SENP7: variants seen among roughly 807,000 people sequenced by gnomAD.
The protein encoded by SENP7 is SUMO specific peptidase 7.
In SENP7, 64 loss-of-function variants were observed where a neutral mutation model predicts 141.2. The ratio of observed to expected loss-of-function variants is 0.45; its 90% confidence interval spans 0.37 to 0.56. The LOEUF (loss-of-function observed/expected upper bound fraction) is 0.56. SENP7 is among the 20% of genes least tolerant of loss of function. SENP7 has a pLI of 0.00. For missense variants in SENP7, 1,025 were observed against 1,212.2 expected (o/e 0.85, Z 2.29); for synonymous variants, 382 against 426.4 (o/e 0.90, Z 1.28).
At chr3:101,464,837 GAA>G (rs1288755210) in intron 3 of SENP7, among the ~76,000 whole-genome samples, 30 of 152,076 alleles carry the variant, frequency 2.0e-4, no homozygotes, top group Non-Finnish European at 8.8e-5. Context: ...CTAAAAAGCA[GAA>G]AGGAGACTAA....
chr3:101,513,062 T>C lies in SENP7; in HGVS notation c.40+29A>G, dbSNP rs201326167. On this transcript the variant is annotated intron_variant, in intron 1 of 23. Coordinates refer to ENST00000394095, the MANE Select transcript of SENP7 (RefSeq NM_020654.5). ...CGTTTCCCCCGGGTAGGAGACAATA[T>C]GTTCAGCCCTTCTCTGACCCTTTCT... The C allele has an allele frequency of 1.1e-4, 185 of 1,611,820 alleles. No homozygotes were observed. The East Asian group carries it at 3.3e-3, about 29-fold the overall frequency.
chr3:101,493,101 G>C (rs186598813), intron 3 of SENP7, among the ~76,000 whole-genome samples: 1 of 152,162 alleles, frequency 6.6e-6, no homozygotes, highest in Admixed American at 6.5e-5. Flanking sequence ...TTGCATGGAT[G>C]AAGCTGGAGA....
At chr3:101,348,109 T>G (rs2059518058) in intron 12 of SENP7, 58 bp from the exon 13 acceptor site, 5 of 1,168,696 alleles carry the variant, frequency 4.3e-6, no homozygotes, top group Non-Finnish European at 6.0e-6. Flanking sequence ...ATACACCACT[T>G]AAACATTATA....
At position 101,469,621 on chromosome 3, in the gene SENP7, G is replaced by A. The variant is rs371022351; in HGVS notation, c.187-10569C>T. ...GGGTGGATCATGAGGTCAGGAGATC[G>A]AGACCATCCTGGCTAACAAGGTGAA... On this transcript the variant is annotated intron_variant, in intron 3 of 23. Coordinates refer to ENST00000394095, the MANE Select transcript of SENP7 (RefSeq NM_020654.5). Among the ~76,000 whole-genome samples, 8 of 113,412 alleles carry A rather than the reference G, an allele frequency of 7.1e-5. 3 individuals carry two copies. The Admixed American group carries it at 7.8e-4, about 11-fold the overall frequency. 74.4% of individuals were successfully genotyped at this position (113,412 alleles called of 152,430 possible). A position where few individuals can be genotyped will look rare whatever the true frequency, so the allele number is the denominator to read the frequency against.
At chr3:101,400,130 T>C (rs1460966665) in intron 5 of SENP7, among the ~76,000 whole-genome samples, 1 of 152,240 alleles carries the variant, frequency 6.6e-6, no homozygotes, top group East Asian at 1.9e-4. Context: ...GCCTTCAATA[T>C]TGATATTCAG....
intron 4 of SENP7, among the ~76,000 whole-genome samples, chr3:101,419,559 T>C (rs554442119): frequency 3.1e-4 from 47 of 152,178 alleles, no homozygotes; most frequent in African/African-American, 1.1e-3. Flanking sequence ...CAAAGGGATA[T>C]AGCAAATGAA....
chr3:101,326,062 C>G lies in SENP7; in HGVS notation c.3034G>C (p.Glu1012Gln). ...SFFKDPIVNF[E>Q]LPIHLEKWFP... ...CACTTCTCCAAATGAATTGGAAGTT[C>G]AAAGTTAACAATAGGATCCTAATGA... Residue 1012 changes from glutamate (E) to glutamine (Q), a missense_variant, in exon 24 of 24, where the codon GAA becomes CAA. Around this residue, in one of 4 missense-constraint regions of SENP7, gnomAD observed 295 missense variants for 459.1 expected, o/e 0.64. Transcript: ENST00000394095. The G allele has an allele frequency of 6.2e-7, 1 of 1,606,612 alleles. No homozygotes were observed. Among genetic ancestry groups the G allele is most frequent in the Non-Finnish European group, 8.5e-7 (1 of 1,176,130 alleles).
Position 101,422,072 on chromosome 3 carries a change from G to A in SENP7, c.285-4282C>T, listed in dbSNP as rs141371919. ...GAACGGTGGGTGAGCGAGCATTACC[G>A]CCTGAGCTCTGCCTCCTGTCAGATC... On this transcript the variant is annotated intron_variant, in intron 4 of 23. Transcript: ENST00000394095. Among the ~76,000 whole-genome samples the A allele has an allele frequency of 2.0e-4, 30 of 152,230 alleles. 1 individual carries two copies. The highest frequency in any genetic ancestry group is 1.0e-3 in the South Asian group (5 of 4,816).
At chr3:101,400,801 A>C (rs1429165427) in intron 5 of SENP7, among the ~76,000 whole-genome samples, 1 of 152,008 alleles carries the variant, frequency 6.6e-6, no homozygotes, top group Non-Finnish European at 1.5e-5. Flanking sequence ...CTTTAAATCA[A>C]AAGCTAGAAA....
intron 4 of SENP7, among the ~76,000 whole-genome samples, chr3:101,443,089 C>T (rs991477494): frequency 3.3e-5 from 5 of 152,084 alleles, no homozygotes; most frequent in Non-Finnish European, 7.4e-5. Flanking sequence ...TTAGGTCAAA[C>T]GTTTAAGTCT....
intron 5 of SENP7, among the ~76,000 whole-genome samples, chr3:101,409,243 C>T (rs2061388593): frequency 6.6e-6 from 1 of 152,008 alleles, no homozygotes; most frequent in Non-Finnish European, 1.5e-5. Flanking sequence ...GTCAAAAGGC[C>T]TCTTCTACAA....
chr3:101,485,798 G>C (rs928243553), intron 3 of SENP7, among the ~76,000 whole-genome samples: 2 of 152,134 alleles, frequency 1.3e-5, no homozygotes, highest in African/African-American at 4.8e-5. Flanking sequence ...CAGGAGGATA[G>C]TCATAAAGCT....
intron 22 of SENP7, among the ~76,000 whole-genome samples, chr3:101,328,172 A>G (rs2058954099): frequency 6.6e-6 from 1 of 152,182 alleles, no homozygotes; most frequent in Non-Finnish European, 1.5e-5. Flanking sequence ...CAAATGTGAA[A>G]GAGTTCTTAT....
intron 1 of SENP7, among the ~76,000 whole-genome samples, chr3:101,511,709 C>T (rs1400584324): frequency 6.6e-6 from 1 of 152,198 alleles, no homozygotes; most frequent in African/African-American, 2.4e-5. Flanking sequence ...AAGCAGTGTC[C>T]CCAGAGATCC....
intron 4 of SENP7, chr3:101,457,447 C>T (rs963060013): frequency 3.1e-5 from 50 of 1,595,640 alleles, no homozygotes; most frequent in Non-Finnish European, 4.0e-5. Context: ...TGCTTTGTCT[C>T]GGCATGGCCT....
intron 3 of SENP7, among the ~76,000 whole-genome samples, chr3:101,481,302 GCC>G (rs2064468242): frequency 1.3e-5 from 2 of 152,094 alleles, no homozygotes; most frequent in Non-Finnish European, 2.9e-5. Flanking sequence ...ACATAATTTG[GCC>G]ATAAAAAAGA....
chr3:101,385,980 A>G (rs1489708213), intron 6 of SENP7, among the ~76,000 whole-genome samples: 3 of 152,254 alleles, frequency 2.0e-5, no homozygotes, highest in Non-Finnish European at 4.4e-5. Flanking sequence ...CTGTGAAAGG[A>G]CAGATAGGAA....
At chr3:101,481,742 A>G (rs1559891586) in intron 3 of SENP7, among the ~76,000 whole-genome samples, 1 of 152,232 alleles carries the variant, frequency 6.6e-6, no homozygotes, top group Non-Finnish European at 1.5e-5. Context: ...ATGTAACAAA[A>G]TATCACATGT....
At chr3:101,401,214 T>C (rs1339408898) in intron 5 of SENP7, among the ~76,000 whole-genome samples, 1 of 151,944 alleles carries the variant, frequency 6.6e-6, no homozygotes, top group African/African-American at 2.4e-5. Context: ...TGAGAAAGAA[T>C]AGTTCTTGAA....
Sources: gnomAD v4.1 joint callset for allele counts (sites outside exome capture counted in the v4.1 genomes callset) on GRCh38, gnomAD v4.1.1 for gene constraint, gnomAD v4.1.1 regional missense constraint, MANE v1.5 for transcripts, NCBI Gene and HGNC (gene_info 2026-07-23, HGNC 2026-07-21) for gene names.